Variants in CALN1 observed in about 807,000 individuals in gnomAD.
CALN1 encodes calcium-binding protein 8.
A neutral mutation model predicts 30.6 loss-of-function variants in CALN1; 17 were observed. The observed-to-expected ratio is 0.56, with a 90% CI of 0.38 to 0.83. CALN1 has a LOEUF of 0.83. Among genes scored for constraint, CALN1 ranks in the 40% least tolerant of loss-of-function variants. CALN1 has a pLI of 0.00. For missense variants in CALN1, 291 were observed against 354.9 expected, an observed-to-expected ratio of 0.82 and a Z score of 1.45; for synonymous variants, 156 against 131.4, an observed-to-expected ratio of 1.19 and a Z score of -1.28.
intron 3 of CALN1, among the ~76,000 whole-genome samples, chr7:72,248,274 C>A (rs1323586661): frequency 2.0e-5 from 3 of 152,136 alleles, no homozygotes; most frequent in Non-Finnish European, 4.4e-5. Flanking sequence ...GCCACCACAC[C>A]CAGCTAATTT....
chr7:72,036,729 T>A (rs1172593688), intron 4 of CALN1, among the ~76,000 whole-genome samples: 1 of 152,212 alleles, frequency 6.6e-6, no homozygotes, highest in East Asian at 1.9e-4. Context: ...ATTATTTTCT[T>A]GACTTTCTCA....
intron 2 of CALN1, among the ~76,000 whole-genome samples, chr7:72,293,155 A>G (rs537274832): frequency 1.1e-4 from 17 of 152,146 alleles, no homozygotes; most frequent in Non-Finnish European, 2.2e-4. Flanking sequence ...AGGATTTAAA[A>G]CAGCTATCTA....
intron 4 of CALN1, among the ~76,000 whole-genome samples, chr7:72,051,649 C>T (rs775500193): frequency 1.1e-4 from 17 of 152,252 alleles, no homozygotes; most frequent in Non-Finnish European, 1.9e-4. Flanking sequence ...CATGCAAAAA[C>T]GCTAAAGCTG....
chr7:71,889,803 A>C (rs564696571), intron 5 of CALN1, among the ~76,000 whole-genome samples: 1 of 152,188 alleles, frequency 6.6e-6, no homozygotes, highest in African/African-American at 2.4e-5. Flanking sequence ...AAAAATACAA[A>C]ACTTAGCCAT....
At chr7:72,341,315 G>C (rs889892545) in intron 2 of CALN1, among the ~76,000 whole-genome samples, 4 of 152,170 alleles carry the variant, frequency 2.6e-5, no homozygotes, top group African/African-American at 7.2e-5. Flanking sequence ...TTGAGGTCAG[G>C]GGTTCGACAC....
chr7:72,034,222 C>T (rs112102872), intron 4 of CALN1, among the ~76,000 whole-genome samples: 4 of 151,644 alleles, frequency 2.6e-5, no homozygotes, highest in South Asian at 2.1e-4. Context: ...GGCGTGGTGG[C>T]GGGCGCCTGT....
intron 2 of CALN1, among the ~76,000 whole-genome samples, chr7:72,359,343 G>A (rs957371039): frequency 2.6e-5 from 4 of 152,092 alleles, no homozygotes; most frequent in Non-Finnish European, 5.9e-5. Context: ...TCCCCGTTTC[G>A]TCTTCCAGAT....
intron 5 of CALN1, among the ~76,000 whole-genome samples, chr7:71,919,730 G>A (rs376189644): frequency 5.5e-4 from 83 of 152,218 alleles, no homozygotes; most frequent in African/African-American, 1.9e-3. Context: ...ATTTGAAACA[G>A]AGAGAAAATA....
At position 72,370,800 on chromosome 7, in the gene CALN1, A is replaced by G. The variant is rs192622588; in HGVS notation, c.119+32451T>C. Among the ~76,000 whole-genome samples, 710 of 152,250 alleles carry G rather than the reference A, an allele frequency of 4.7e-3. 5 individuals are homozygous for G. Among genetic ancestry groups the G allele is most frequent in the African/African-American group, 0.016 (683 of 41,536 alleles). Reference sequence around the variant, plus strand: ...ATGGGCTCATGCCTATAATCCCAGCACTTTGGGAGGCCAAGGCAGTGGATT... The same window carrying G: ...ATGGGCTCATGCCTATAATCCCAGCGCTTTGGGAGGCCAAGGCAGTGGATT... On this transcript the variant is annotated intron_variant, in intron 2 of 6. Transcript: ENST00000395275.
chr7:72,214,434 G>A (rs537158582), intron 3 of CALN1, among the ~76,000 whole-genome samples: 4 of 152,004 alleles, frequency 2.6e-5, no homozygotes, highest in African/African-American at 4.8e-5. Flanking sequence ...AGCCAAGATC[G>A]CTCCACTGCA....
At chr7:72,165,432 A>C (rs1372523538) in intron 3 of CALN1, among the ~76,000 whole-genome samples, 2 of 152,036 alleles carry the variant, frequency 1.3e-5, no homozygotes, top group Non-Finnish European at 2.9e-5. Flanking sequence ...ATGGTGGTGC[A>C]TGCCTCTAAT....
intron 3 of CALN1, among the ~76,000 whole-genome samples, chr7:72,219,796 T>C (rs1793141118): frequency 6.6e-6 from 1 of 152,088 alleles, no homozygotes; most frequent in Admixed American, 6.6e-5. Context: ...GAATTTCCTA[T>C]GCAAATAGGA....
intron 3 of CALN1, among the ~76,000 whole-genome samples, chr7:72,157,581 A>G (rs1038761637): frequency 3.9e-5 from 6 of 152,214 alleles, no homozygotes; most frequent in African/African-American, 1.4e-4. Context: ...AGGGGAAAAA[A>G]AAAACAGGGT....
chr7:72,023,869 CTCAA>C, intron 4 of CALN1, 100 bp from the exon 5 acceptor site: 1 of 729,104 alleles, frequency 1.4e-6, no homozygotes, highest in Non-Finnish European at 2.3e-6. Context: ...TTGGCATGAC[CTCAA>C]TCAATGAAGA....
At chr7:72,148,057 G>T (rs988686147) in intron 3 of CALN1, among the ~76,000 whole-genome samples, 2 of 146,770 alleles carry the variant, frequency 1.4e-5, no homozygotes, top group African/African-American at 5.1e-5. Context: ...AAACCTGCAT[G>T]TTGTGCACAC....
chr7:72,382,563 C>A (rs970300243), intron 2 of CALN1, among the ~76,000 whole-genome samples: 1 of 152,192 alleles, frequency 6.6e-6, no homozygotes, highest in Non-Finnish European at 1.5e-5. Flanking sequence ...CCATCACCCA[C>A]GTAGTGAGCA....
intron 5 of CALN1, among the ~76,000 whole-genome samples, chr7:71,893,340 A>G (rs928872066): frequency 6.6e-5 from 10 of 152,196 alleles, no homozygotes. Context: ...AATGTCAATG[A>G]TGCTGAGGTG....
At chr7:72,125,982 G>A (rs1432402716) in intron 3 of CALN1, among the ~76,000 whole-genome samples, 1 of 151,896 alleles carries the variant, frequency 6.6e-6, no homozygotes, top group African/African-American at 2.4e-5. Flanking sequence ...TGTATCTTTA[G>A]TAGAGATGAG....
the CALN1 span, among the ~76,000 whole-genome samples, chr7:72,480,850 C>A: frequency 6.6e-6 from 1 of 151,708 alleles, no homozygotes; most frequent in East Asian, 1.9e-4. Flanking sequence ...TTTTATAATT[C>A]ACTTACTGTA....
Sources: allele counts gnomAD v4.1 joint callset (sites outside exome capture counted in the v4.1 genomes callset), GRCh38; gene constraint gnomAD v4.1.1; transcripts MANE v1.5; gene names NCBI Gene and HGNC (gene_info 2026-07-23, HGNC 2026-07-21).